DACH2: variants seen among roughly 807,000 people sequenced by gnomAD.
The protein encoded by DACH2 is dachshund family transcription factor 2.
Under a neutral mutation model 35.8 loss-of-function variants are expected in DACH2, and 17 were observed. The observed-to-expected ratio is 0.48, with a 90% confidence interval of 0.33 to 0.71. The LOEUF (loss-of-function observed/expected upper bound fraction) is 0.71, where lower values mean the gene tolerates loss of function less well. DACH2 is among the 30% of genes least tolerant of loss of function. DACH2 has a pLI of 0.02. For missense variants in DACH2, 469 were observed against 472.7 expected, an observed-to-expected ratio of 0.99 and a Z score of 0.07; for synonymous variants, 195 against 177.3, an observed-to-expected ratio of 1.10 and a Z score of -0.79.
At chrX:86,663,204 T>A (rs2040627376) in intron 4 of DACH2, among the ~76,000 whole-genome samples, 1 of 111,761 alleles carries the variant, frequency 8.9e-6, no homozygotes, top group Admixed American at 9.5e-5. Context: ...TATTCATTTC[T>A]CTGCTGTATG....
intron 3 of DACH2, among the ~76,000 whole-genome samples, chrX:86,646,444 T>A (rs1045766746): frequency 9.1e-6 from 1 of 110,008 alleles, no homozygotes; most frequent in Non-Finnish European, 1.9e-5. Flanking sequence ...TATACTTTTA[T>A]TTAAAAAAAA....
At chrX:86,252,945 G>T (rs1013020564) in intron 1 of DACH2, among the ~76,000 whole-genome samples, 1 of 110,705 alleles carries the variant, frequency 9.0e-6, no homozygotes, top group Non-Finnish European at 1.9e-5. Context: ...GAAATAAAGG[G>T]CATCCAAATC....
chrX:86,229,332 A>AT lies in DACH2; in HGVS notation c.488+80229dup, dbSNP rs770512850. Among the ~76,000 whole-genome samples the AT allele has an allele frequency of 7.0e-3, 779 of 111,696 alleles. 4 individuals are homozygous for AT. Among genetic ancestry groups the AT allele is most frequent in the Non-Finnish European group, 0.011 (602 of 53,051 alleles). The stretch of plus-strand genomic sequence containing the variant: ...TTCTGTTCCATTGGTCTATGTGCTT[A>AT]TTTTTCTGCCAGTATCATGCCATTT... On this transcript the variant is annotated intron_variant, in intron 1 of 11. Transcript: ENST00000373125.
chrX:86,520,673 T>G (rs2038539963), intron 3 of DACH2, among the ~76,000 whole-genome samples: 1 of 111,370 alleles, frequency 9.0e-6, no homozygotes, highest in Admixed American at 9.6e-5. Context: ...TTCTTAAAAA[T>G]ATTTCATTGG....
intron 7 of DACH2, among the ~76,000 whole-genome samples, chrX:86,786,218 A>C (rs1221863114): frequency 9.0e-6 from 1 of 111,575 alleles, no homozygotes; most frequent in Non-Finnish European, 1.9e-5. Context: ...AAATAAACAA[A>C]ATGTGCATCT....
chrX:86,763,540 G>A (rs2041903681), intron 7 of DACH2, among the ~76,000 whole-genome samples: 2 of 111,686 alleles, frequency 1.8e-5, no homozygotes, highest in South Asian at 3.7e-4. Flanking sequence ...TGCAACCTCC[G>A]CCTCCTGGGT....
At chrX:86,159,914 T>A (rs1044062072) in intron 1 of DACH2, among the ~76,000 whole-genome samples, 3 of 111,524 alleles carry the variant, frequency 2.7e-5, no homozygotes, top group Non-Finnish European at 5.7e-5. Flanking sequence ...AATATTAAAT[T>A]TTATTTACTT....
At chrX:86,766,455 C>T (rs2041936318) in intron 7 of DACH2, among the ~76,000 whole-genome samples, 1 of 111,635 alleles carries the variant, frequency 9.0e-6, no homozygotes, top group Non-Finnish European at 1.9e-5. Context: ...TGAATGCAGA[C>T]ATGGGAAGAG....
intron 3 of DACH2, among the ~76,000 whole-genome samples, chrX:86,531,396 GGGCCTAA>G (rs1195280295): frequency 1.8e-5 from 2 of 111,431 alleles, no homozygotes; most frequent in African/African-American, 6.5e-5. Context: ...TCTGTGGGGT[GGGCCTAA>G]GGTCCTGCTG....
At chrX:86,288,158 G>T (rs189034668) in intron 1 of DACH2, among the ~76,000 whole-genome samples, 3 of 112,467 alleles carry the variant, frequency 2.7e-5, no homozygotes, top group African/African-American at 9.7e-5. Context: ...TACCTTGATG[G>T]TCTTGGACAA....
intron 3 of DACH2, among the ~76,000 whole-genome samples, chrX:86,600,708 C>A (rs1360768580): frequency 9.0e-6 from 1 of 111,636 alleles, no homozygotes; most frequent in Admixed American, 9.5e-5. Context: ...GATGTCATAG[C>A]CACTTTTATT....
At chrX:86,320,329 C>A (rs1330548412) in intron 1 of DACH2, among the ~76,000 whole-genome samples, 4 of 112,091 alleles carry the variant, frequency 3.6e-5, no homozygotes, top group East Asian at 2.8e-4. Context: ...TAAGAAAATC[C>A]TTTTTCATTA....
At chrX:86,787,701 G>A (rs2042151270) in intron 7 of DACH2, among the ~76,000 whole-genome samples, 1 of 110,360 alleles carries the variant, frequency 9.1e-6, no homozygotes, top group Admixed American at 9.7e-5. Context: ...TGGCCAGAAT[G>A]TGAAACATAA....
At chrX:86,826,102 G>A (rs754397922) in intron 11 of DACH2, among the ~76,000 whole-genome samples, 1 of 111,341 alleles carries the variant, frequency 9.0e-6, no homozygotes, top group Non-Finnish European at 1.9e-5. Flanking sequence ...TATAAGTGAT[G>A]TGTAAAACTT....
intron 1 of DACH2, among the ~76,000 whole-genome samples, chrX:86,357,870 C>A (rs1031219311): frequency 8.9e-6 from 1 of 112,215 alleles, no homozygotes; most frequent in Non-Finnish European, 1.9e-5. Context: ...GTATTTATGA[C>A]TATCTTCTCC....
At chrX:86,596,190 T>G (rs2039709402) in intron 3 of DACH2, among the ~76,000 whole-genome samples, 1 of 111,864 alleles carries the variant, frequency 8.9e-6, no homozygotes, top group Admixed American at 9.6e-5. Context: ...CTATAAACAT[T>G]TTTGTACAAT....
At chrX:86,655,682 CA>C (rs201615495) in intron 4 of DACH2, among the ~76,000 whole-genome samples, 1 of 109,041 alleles carries the variant, frequency 9.2e-6, no homozygotes, top group South Asian at 3.9e-4. Flanking sequence ...GGAGAGAAGA[CA>C]AAAAAAATCA....
intron 2 of DACH2, among the ~76,000 whole-genome samples, chrX:86,387,602 A>G (rs1020356218): frequency 8.9e-6 from 1 of 111,878 alleles, no homozygotes; most frequent in Non-Finnish European, 1.9e-5. Flanking sequence ...AAAAGCAAAA[A>G]TGAGTAAAAC....
At chrX:86,473,401 T>A (rs986244666) in intron 2 of DACH2, among the ~76,000 whole-genome samples, 1 of 110,760 alleles carries the variant, frequency 9.0e-6, no homozygotes, top group Admixed American at 9.6e-5. Context: ...TTTAAAAATG[T>A]ACAATTAAAT....
Sources: gnomAD v4.1 joint callset for allele counts (sites outside exome capture counted in the v4.1 genomes callset) on GRCh38, gnomAD v4.1.1 for gene constraint, MANE v1.5 for transcripts, NCBI Gene and HGNC (gene_info 2026-07-23, HGNC 2026-07-21) for gene names.